Variants in TNC observed in about 807,000 individuals in gnomAD.
The protein encoded by TNC is tenascin.
A neutral mutation model predicts 202.4 loss-of-function variants in TNC; 109 were observed. The observed-to-expected ratio is 0.54, with a 90% CI of 0.46 to 0.63. The LOEUF (loss-of-function observed/expected upper bound fraction) is 0.63. Among genes scored for constraint, TNC ranks in the 30% least tolerant of loss-of-function variants. The probability of loss-of-function intolerance (pLI) is 0.00; values close to 1 mark genes in which losing one functional copy is unlikely to be tolerated. For synonymous variants in TNC, 1,007 were observed against 1,089.7 expected, an observed-to-expected ratio of 0.92 and a Z score of 1.50; for missense variants, 2,756 against 2,833.3, an observed-to-expected ratio of 0.97 and a Z score of 0.62.
intron 5 of TNC, among the ~76,000 whole-genome samples, chr9:115,082,275 T>G (rs1013311805): frequency 6.6e-6 from 1 of 152,142 alleles, no homozygotes; most frequent in African/African-American, 2.4e-5. Context: ...ACACAGCTGG[T>G]TGGTGGCAGA....
Position 115,024,485 on chromosome 9 carries a change from T to A in TNC, c.6332-349A>T, listed in dbSNP as rs77295865. Among the ~76,000 whole-genome samples the A allele has an allele frequency of 8.7e-3, 1,330 of 152,308 alleles. 15 individuals carry two copies. Among genetic ancestry groups the A allele is most frequent in the South Asian group, 0.016 (79 of 4,824 alleles). ...TATACAATGGAACCAGCACTTTGAT[T>A]CTATATACTGAGTAGTGCCATTGTG... On this transcript the variant is annotated intron_variant, in intron 26 of 27. Transcript: ENST00000350763.
chr9:115,080,841 G>T (rs1834247968), intron 6 of TNC, among the ~76,000 whole-genome samples: 1 of 151,562 alleles, frequency 6.6e-6, no homozygotes, highest in Admixed American at 6.6e-5. Flanking sequence ...GAACCTGGGA[G>T]GCAGAGATTG....
At chr9:115,074,185 G>A (rs1046812358) in intron 9 of TNC, among the ~76,000 whole-genome samples, 1 of 152,170 alleles carries the variant, frequency 6.6e-6, no homozygotes, top group Non-Finnish European at 1.5e-5. Flanking sequence ...GATGAATCTC[G>A]AGAGAATTAT....
chr9:115,069,711 CCTTCCTTCCTTCCTTCCTCCCTT>C (rs1833281923), intron 10 of TNC, among the ~76,000 whole-genome samples: 1 of 5,964 alleles, frequency 1.7e-4, no homozygotes, highest in Non-Finnish European at 3.3e-4. Context: ...TCCCTCCCTT[CCTTCCTTCCTTCCTTCCTCCCTT>C]CCTCCCTCCC....
At chr9:115,036,588 C>T (rs190452039) in intron 20 of TNC, among the ~76,000 whole-genome samples, 1 of 152,226 alleles carries the variant, frequency 6.6e-6, no homozygotes, top group Admixed American at 6.5e-5. Context: ...AAGCCTGCTG[C>T]CCATGCTTAA....
chr9:115,048,457 G>C lies in TNC; in HGVS notation c.4655C>G (p.Ser1552Trp). 3 of 1,613,992 alleles carry C rather than the reference G, an allele frequency of 1.9e-6. No homozygotes were observed. Among genetic ancestry groups the C allele is most frequent in the Non-Finnish European group, 2.5e-6 (3 of 1,179,952 alleles). Residue 1552 changes from serine (S) to tryptophan (W), a missense_variant, in exon 16 of 28, where the codon TCG becomes TGG. Ser to Trp is a radical substitution (Grantham distance 177). This residue lies in a region of TNC where 2,559 missense variants were observed against 2,546.0 expected (regional missense o/e 1.01). Coordinates refer to ENST00000350763, the MANE Select transcript of TNC (RefSeq NM_002160.4). ...TAGAAAGCTGTCAAAGGCATTCTCC[G>C]ATGCCATCCAGGAAACTGTGAACCC... Reference protein sequence around the residue: ...PYGFTVSWMASENAFDSFLVT... With the variant: ...PYGFTVSWMAWENAFDSFLVT...
intron 6 of TNC, among the ~76,000 whole-genome samples, chr9:115,078,490 A>C (rs1159221301): frequency 2.0e-5 from 3 of 151,564 alleles, no homozygotes; most frequent in Non-Finnish European, 4.4e-5. Context: ...TGGATGTCAC[A>C]TGAAAAAAAA....
chr9:115,035,260 G>A lies in TNC; in HGVS notation c.5731C>T (p.Arg1911Trp), dbSNP rs148674204. 5.2e-4 allele frequency: 840 copies of A among 1,609,108 alleles called. No homozygotes were observed. The highest frequency in any genetic ancestry group is 6.6e-4 in the Non-Finnish European group (775 of 1,177,444). The change falls in exon 22 of 28, where the codon CGG becomes TGG. Residue 1911 changes from arginine (R) to tryptophan (W), a missense_variant. This residue lies in a region of TNC where 2,559 missense variants were observed against 2,546.0 expected (regional missense o/e 1.01). Transcript: ENST00000350763. ...ETALLTWRPP[R>W]ASVTGYLLVY... ...AGCAGGTAACCGGTGACTGATGCCC[G>A]GGGGGGTCGCCAGGTAAGGAGGGCA...
At position 115,095,437 on chromosome 9, in the gene TNC, G is replaced by A. The variant is rs145700340; in HGVS notation, c.-136-4283C>T. 4.0e-3 allele frequency among the ~76,000 whole-genome samples: 547 copies of A among 137,166 alleles called. 14 individuals are homozygous for A. The highest frequency in any genetic ancestry group is 0.015 in the African/African-American group (530 of 35,032). 90.0% of individuals were successfully genotyped at this position (137,166 alleles called of 152,430 possible). The stretch of plus-strand genomic sequence containing the variant: ...AGTGATCCCAGAAAATATGCATGTC[G>A]TGGTATGTGTATATATATATGTATA... On this transcript the variant is annotated intron_variant, in intron 1 of 27. Coordinates refer to ENST00000350763, the MANE Select transcript of TNC (RefSeq NM_002160.4).
intron 9 of TNC, among the ~76,000 whole-genome samples, chr9:115,075,029 C>T (rs1039490531): frequency 6.6e-6 from 1 of 152,092 alleles, no homozygotes; most frequent in African/African-American, 2.4e-5. Flanking sequence ...AAAGAATTGG[C>T]ATGTAAATGT....
At chr9:115,046,866 G>A (rs1831241400) in intron 16 of TNC, among the ~76,000 whole-genome samples, 184 bp from the exon 17 acceptor site, 1 of 152,154 alleles carries the variant, frequency 6.6e-6, no homozygotes, top group Admixed American at 6.5e-5. Context: ...CAGGAGAGGG[G>A]AAAGATGGAG....
chr9:115,022,961 CTGCA>C (rs1315369558), intron 27 of TNC, among the ~76,000 whole-genome samples: 1 of 151,386 alleles, frequency 6.6e-6, no homozygotes, highest in Non-Finnish European at 1.5e-5. Flanking sequence ...CCAACACCTG[CTGCA>C]TGTCAGGAAT....
chr9:115,090,856 T>A lies in TNC; in HGVS notation c.163A>T (p.Asn55Tyr). The change falls in exon 2 of 28, where the codon AAC becomes TAC. Residue 55 changes from asparagine (N) to tyrosine (Y), a missense_variant. Transcript: ENST00000350763. ...TGGGATCCCACTGGCAGCTTGATGTTGTAAACGTGGTTAAACACCACTGGC... is the reference window on the plus strand; with the variant it reads ...TGGGATCCCACTGGCAGCTTGATGTAGTAAACGTGGTTAAACACCACTGGC... ...NQPVVFNHVYNIKLPVGSQCS... is the reference protein window; with the variant it reads ...NQPVVFNHVYYIKLPVGSQCS... The A allele has an allele frequency of 6.2e-7, 1 of 1,614,218 alleles. No homozygotes were observed. The highest frequency in any genetic ancestry group is 8.5e-7 in the Non-Finnish European group (1 of 1,180,038).
chr9:115,042,184 ACTC>A (rs1830808247), intron 18 of TNC, 32 bp downstream of exon 18: 1 of 1,603,046 alleles, frequency 6.2e-7, no homozygotes, highest in Non-Finnish European at 8.5e-7. Context: ...AACCCACAAC[ACTC>A]CTCCTCTCTC....
At chr9:115,105,548 G>A (rs898707124) in intron 1 of TNC, among the ~76,000 whole-genome samples, 9 of 152,118 alleles carry the variant, frequency 5.9e-5, no homozygotes, top group African/African-American at 2.2e-4. Context: ...TATGTTAAAG[G>A]GTGGTTTGCA....
intron 27 of TNC, among the ~76,000 whole-genome samples, chr9:115,022,628 G>A (rs1383381761): frequency 6.6e-6 from 1 of 151,816 alleles, no homozygotes; most frequent in African/African-American, 2.4e-5. Flanking sequence ...TTTGAGACAA[G>A]GCAATAAAGA....
At position 115,077,152 on chromosome 9, in the gene TNC, T is replaced by C. The variant is rs189257572; in HGVS notation, c.2675-577A>G. Among the ~76,000 whole-genome samples, 21 of 152,298 alleles carry C rather than the reference T, an allele frequency of 1.4e-4. No individual in the cohort carries two copies. The East Asian group carries it at 2.7e-3, about 20-fold the overall frequency. ...TCGGCTCACTGCAAGCTCCACCTCC[T>C]GGGTTCATGCCATTCTCCTGCCTCA... On this transcript the variant is annotated intron_variant, in intron 7 of 27. Transcript: ENST00000350763.
chr9:115,063,643 A>G (rs1832717316), intron 12 of TNC, among the ~76,000 whole-genome samples, 153 bp downstream of exon 12: 2 of 152,198 alleles, frequency 1.3e-5, no homozygotes, highest in South Asian at 4.1e-4. Flanking sequence ...TAGCCAAATA[A>G]GGGATGTGAC....
At chr9:115,067,770 G>T (rs528884611) in intron 10 of TNC, among the ~76,000 whole-genome samples, 1 of 150,862 alleles carries the variant, frequency 6.6e-6, no homozygotes, top group Admixed American at 6.6e-5. Flanking sequence ...ATGTCATGTT[G>T]TTCAGTAAAT....
Sources: gnomAD v4.1 joint callset for allele counts (sites outside exome capture counted in the v4.1 genomes callset) on GRCh38, gnomAD v4.1.1 for gene constraint, gnomAD v4.1.1 regional missense constraint, MANE v1.5 for transcripts, NCBI Gene and HGNC (gene_info 2026-07-23, HGNC 2026-07-21) for gene names.